The following FGF12 variants were observed in gnomAD, a reference collection of about 807,000 sequenced individuals.
FGF12 encodes the protein fibroblast growth factor 12.
A neutral mutation model predicts 23.6 loss-of-function variants in FGF12; 14 were observed. The observed-to-expected ratio is 0.59, with a 90% CI of 0.39 to 0.93. The LOEUF (loss-of-function observed/expected upper bound fraction) is 0.93, where lower values mean the gene tolerates loss of function less well. Ranked by LOEUF, FGF12 falls within the 40% of genes least tolerant of loss-of-function variation. The pLI, the probability that FGF12 is intolerant of heterozygous loss-of-function variation, is 0.00. For synonymous variants in FGF12, 62 were observed against 77.3 expected, an observed-to-expected ratio of 0.80 and a Z score of 1.04; for missense variants, 175 against 217.8, an observed-to-expected ratio of 0.80 and a Z score of 1.24.
chr3:192,224,418 A>T (rs1718626113), intron 4 of FGF12, among the ~76,000 whole-genome samples: 1 of 152,170 alleles, frequency 6.6e-6, no homozygotes, highest in African/African-American at 2.4e-5. Flanking sequence ...AAATTATACC[A>T]ATATGGCTTG....
intron 2 of FGF12, among the ~76,000 whole-genome samples, chr3:192,725,190 T>C (rs1719168351): frequency 6.6e-6 from 1 of 152,122 alleles, no homozygotes; most frequent in African/African-American, 2.4e-5. Context: ...GGCCAATGTA[T>C]AAGTAATTAG....
chr3:192,530,147 A>G (rs943493193), intron 2 of FGF12, among the ~76,000 whole-genome samples: 5 of 151,244 alleles, frequency 3.3e-5, no homozygotes, highest in East Asian at 3.9e-4. Flanking sequence ...TTAATTTGAC[A>G]TCTACATTCT....
chr3:192,228,397 CA>C (rs1245642202), intron 4 of FGF12, among the ~76,000 whole-genome samples: 3 of 152,106 alleles, frequency 2.0e-5, no homozygotes, highest in African/African-American at 7.2e-5. Context: ...TTAATCATGA[CA>C]ATTGCATTAC....
chr3:192,203,716 T>C (rs1437881608), intron 4 of FGF12, among the ~76,000 whole-genome samples: 4 of 151,982 alleles, frequency 2.6e-5, no homozygotes, highest in East Asian at 1.9e-4. Flanking sequence ...TTATAGATTA[T>C]AGATTACAGA....
At chr3:192,724,195 A>T (rs2108749227) in intron 2 of FGF12, among the ~76,000 whole-genome samples, 1 of 152,246 alleles carries the variant, frequency 6.6e-6, no homozygotes, top group African/African-American at 2.4e-5. Flanking sequence ...ATGTGCATAC[A>T]AATTGCCTAG....
chr3:192,725,660 A>G (rs542032188), intron 2 of FGF12, among the ~76,000 whole-genome samples: 83 of 152,332 alleles, frequency 5.4e-4, no homozygotes, highest in Admixed American at 1.4e-3. Context: ...CAAAACTGTT[A>G]CCAAGAACCT....
At chr3:192,529,501 G>A (rs1725035079) in intron 2 of FGF12, among the ~76,000 whole-genome samples, 1 of 152,092 alleles carries the variant, frequency 6.6e-6, no homozygotes. Context: ...TCCAATCTCT[G>A]CCTGTTACCC....
chr3:192,324,656 CA>C (rs1716728733), intron 4 of FGF12, among the ~76,000 whole-genome samples: 1 of 152,190 alleles, frequency 6.6e-6, no homozygotes, highest in African/African-American at 2.4e-5. Context: ...GATTCAAACA[CA>C]GTTTTATTTC....
At chr3:192,648,156 A>C (rs903712803) in intron 2 of FGF12, among the ~76,000 whole-genome samples, 1 of 152,152 alleles carries the variant, frequency 6.6e-6, no homozygotes, top group Non-Finnish European at 1.5e-5. Flanking sequence ...ACATGACACA[A>C]TATTCTATCA....
At chr3:192,504,841 A>G (rs2108835633) in intron 2 of FGF12, among the ~76,000 whole-genome samples, 1 of 152,216 alleles carries the variant, frequency 6.6e-6, no homozygotes, top group East Asian at 1.9e-4. Context: ...GAAAGGTGCT[A>G]AGTTCCATTT....
chr3:192,657,089 T>C (rs893713536), intron 2 of FGF12, among the ~76,000 whole-genome samples: 1 of 144,784 alleles, frequency 6.9e-6, no homozygotes, highest in African/African-American at 2.5e-5. Context: ...ATATCTATGT[T>C]CTCTGCTGAG....
At chr3:192,277,092 G>T (rs1277850933) in intron 4 of FGF12, among the ~76,000 whole-genome samples, 1 of 152,138 alleles carries the variant, frequency 6.6e-6, no homozygotes, top group African/African-American at 2.4e-5. Flanking sequence ...AAATTTATAT[G>T]CCTTTTTCCT....
chr3:192,471,055 T>C (rs994790339), intron 2 of FGF12, among the ~76,000 whole-genome samples: 4 of 152,228 alleles, frequency 2.6e-5, no homozygotes, highest in Non-Finnish European at 5.9e-5. Context: ...TATTTTACTT[T>C]ACATGATGAC....
intron 2 of FGF12, among the ~76,000 whole-genome samples, chr3:192,630,541 A>G (rs1280168797): frequency 1.5e-5 from 2 of 136,090 alleles, no homozygotes; most frequent in African/African-American, 5.6e-5. Flanking sequence ...CATTGTTGCT[A>G]TAAAAAAATT....
At chr3:192,494,910 G>T (rs1162603288) in intron 2 of FGF12, among the ~76,000 whole-genome samples, 1 of 152,014 alleles carries the variant, frequency 6.6e-6, no homozygotes, top group Admixed American at 6.6e-5. Context: ...ACCCAGGCTA[G>T]AGTGCAGTGG....
chr3:192,442,264 T>C (rs1031736091), intron 2 of FGF12, among the ~76,000 whole-genome samples: 4 of 152,198 alleles, frequency 2.6e-5, no homozygotes, highest in African/African-American at 9.6e-5. Flanking sequence ...ATATCCAGTG[T>C]TTACTACACT....
intron 2 of FGF12, among the ~76,000 whole-genome samples, chr3:192,543,433 T>C (rs1364157881): frequency 6.6e-6 from 1 of 151,936 alleles, no homozygotes; most frequent in African/African-American, 2.4e-5. Flanking sequence ...CAGGGCTAGG[T>C]CCAGAAATGC....
In FGF12 at chr3:192,631,936, C is replaced by T. The variant is rs144664623; in HGVS notation, c.13+95245G>A. ...ACTCCTGGGAGTCCAGCTCCAGCAG[C>T]AATATCTACTCCTTTTACATATTAG... On this transcript the variant is annotated intron_variant, in intron 2 of 5. Transcript: ENST00000445105. Among the ~76,000 whole-genome samples, 1,285 of 152,324 alleles carry T rather than the reference C, an allele frequency of 8.4e-3. 20 individuals are homozygous for T. Among genetic ancestry groups the T allele is most frequent in the African/African-American group, 0.03 (1,251 of 41,568 alleles).
intron 2 of FGF12, among the ~76,000 whole-genome samples, chr3:192,424,989 T>G (rs973964122): frequency 7.2e-5 from 11 of 152,212 alleles, no homozygotes; most frequent in Non-Finnish European, 1.5e-4. Context: ...TATTTGTTGT[T>G]TTATATGTAT....
Sources: allele counts gnomAD v4.1 joint callset (sites outside exome capture counted in the v4.1 genomes callset), GRCh38; gene constraint gnomAD v4.1.1; transcripts MANE v1.5; gene names NCBI Gene and HGNC (gene_info 2026-07-23, HGNC 2026-07-21).